DDX39A: variants seen among roughly 807,000 people sequenced by gnomAD.
DDX39A encodes DExD-box helicase 39A.
A neutral mutation model predicts 46.3 loss-of-function variants in DDX39A; 13 were observed. The ratio of observed to expected loss-of-function variants is 0.28; its 90% CI spans 0.18 to 0.45. The LOEUF is 0.45. Among genes scored for constraint, DDX39A ranks in the 20% least tolerant of loss-of-function variants. The pLI is 1.00. For missense variants in DDX39A, 352 were observed against 581.8 expected (o/e 0.61, Z 4.06); for synonymous variants, 234 against 224.6 (o/e 1.04, Z -0.38).
chr19:14,409,701 C>G lies in DDX39A; in HGVS notation c.864+41G>C. On this transcript the variant is annotated intron_variant, in intron 7 of 10. Transcript: ENST00000242776. This position sits in a 1 kb window ranked among gnomAD's most constrained non-coding sequence, Gnocchi z 8.3. ...CAGTCCCTGTGGCCCAGTGACCTCCCGAAGGTCCTGAGCCCCAGGACAGGC... is the reference window on the plus strand; with the variant it reads ...CAGTCCCTGTGGCCCAGTGACCTCCGGAAGGTCCTGAGCCCCAGGACAGGC... The G allele has an allele frequency of 6.2e-7, 1 of 1,612,148 alleles. No individual in the cohort carries two copies. Among genetic ancestry groups the G allele is most frequent in the Non-Finnish European group, 8.5e-7 (1 of 1,178,516 alleles).
In DDX39A at chr19:14,410,148, G is replaced by T. The variant is rs373772693; in HGVS notation, c.732+68C>A. On this transcript the variant is annotated intron_variant, in intron 6 of 10. Transcript: ENST00000242776. The surrounding 1 kb of genome is among the most constrained non-coding windows in gnomAD (Gnocchi z 4.3). Reference sequence around the variant, plus strand: ...ATCCTCCGTGCCATGTGGGCCGTGCGGGTGTCCTGGGGCCCCAGGCTCCAG... The same window carrying T: ...ATCCTCCGTGCCATGTGGGCCGTGCTGGTGTCCTGGGGCCCCAGGCTCCAG... 6 of 1,375,348 alleles carry T rather than the reference G, an allele frequency of 4.4e-6. No individual in the cohort carries two copies. Among genetic ancestry groups the T allele is most frequent in the East Asian group, 2.3e-5 (1 of 43,690 alleles). 85.2% of individuals were successfully genotyped at this position (1,375,348 alleles called of 1,614,324 possible).
chr19:14,415,184 T>C (rs372813616), intron 1 of DDX39A, among the ~76,000 whole-genome samples: 2 of 152,142 alleles, frequency 1.3e-5, no homozygotes, highest in East Asian at 3.8e-4. Flanking sequence ...TTCTATGGAT[T>C]TGCCTGTTGT....
chr19:14,412,928 CTG>C lies in DDX39A; in HGVS notation c.208+83_208+84del. 6.8e-7 allele frequency: 1 copy of C among 1,472,722 alleles called. No homozygotes were observed. Among genetic ancestry groups the C allele is most frequent in the Non-Finnish European group, 9.2e-7 (1 of 1,083,362 alleles). 91.2% of individuals were successfully genotyped at this position (1,472,722 alleles called of 1,614,324 possible). On this transcript the variant is annotated intron_variant, in intron 2 of 10. Coordinates refer to ENST00000242776, the MANE Select transcript of DDX39A (RefSeq NM_005804.4). This position sits in a 1 kb window ranked among gnomAD's most constrained non-coding sequence, Gnocchi z 4.4. ...GGGCCCCTCCCTCACCCACGGCAAA[CTG>C]GAGGCGGCACCGCTCTGGGCGGGCA... is the stretch of plus-strand genomic sequence containing the variant.
chr19:14,417,253 G>A (rs1346494125), intron 1 of DDX39A, among the ~76,000 whole-genome samples: 1 of 152,094 alleles, frequency 6.6e-6, no homozygotes, highest in East Asian at 1.9e-4. Context: ...TCTATTCTGG[G>A]CTCCAAATCT....
At position 14,409,735 on chromosome 19, in the gene DDX39A, G is replaced by T. The variant is rs763954815; in HGVS notation, c.864+7C>A. On this transcript the variant is annotated splice_region_variant and intron_variant, in intron 7 of 10. Coordinates refer to ENST00000242776, the MANE Select transcript of DDX39A (RefSeq NM_005804.4). This position sits in a 1 kb window ranked among gnomAD's most constrained non-coding sequence, Gnocchi z 8.3. ...TGAGCCCCAGGACAGGCTGATGGAA[G>T]TATCACCTGGTTAAACTCCAGCACA... The T allele has an allele frequency of 3.1e-6, 5 of 1,614,188 alleles. No individual in the cohort carries two copies. In the South Asian group the frequency reaches 5.5e-5, roughly 18 times the overall value.
rs762321943 is a variant in DDX39A, at chr19:14,410,379, T to C, written c.614-45A>G. 3 of 1,548,122 alleles carry C rather than the reference T, an allele frequency of 1.9e-6. No homozygotes were observed. Among genetic ancestry groups the C allele is most frequent in the Admixed American group, 3.3e-5 (2 of 59,926 alleles). Reference sequence around the variant, plus strand: ...CATGGGTGGGCATGAGCGTCTGCCATGCAGGACCCCCACCCCAGACCAGAC... The same window carrying C: ...CATGGGTGGGCATGAGCGTCTGCCACGCAGGACCCCCACCCCAGACCAGAC... On this transcript the variant is annotated intron_variant, in intron 5 of 10. Coordinates refer to ENST00000242776, the MANE Select transcript of DDX39A (RefSeq NM_005804.4). This position sits in a 1 kb window ranked among gnomAD's most constrained non-coding sequence, Gnocchi z 4.3.
intron 1 of DDX39A, among the ~76,000 whole-genome samples, chr19:14,414,825 C>G (rs1976739480): frequency 6.7e-6 from 1 of 150,166 alleles, no homozygotes; most frequent in Admixed American, 6.6e-5. Flanking sequence ...TTTAGCCAGG[C>G]ATGGTGGCAG....
chr19:14,409,668 G>C lies in DDX39A; in HGVS notation c.865-23C>G. ...CACCTGAGGGAAGGAGTGGCAGTCA[G>C]GGCCACACAGTCCCTGTGGCCCAGT... is the stretch of plus-strand genomic sequence containing the variant. On this transcript the variant is annotated intron_variant, in intron 7 of 10. Coordinates refer to ENST00000242776, the MANE Select transcript of DDX39A (RefSeq NM_005804.4). This position sits in a 1 kb window ranked among gnomAD's most constrained non-coding sequence, Gnocchi z 8.3. The C allele has an allele frequency of 1.2e-6, 2 of 1,610,078 alleles. No homozygotes were observed. Among genetic ancestry groups the C allele is most frequent in the Non-Finnish European group, 8.5e-7 (1 of 1,177,178 alleles).
At position 14,408,810 on chromosome 19, in the gene DDX39A, G is replaced by C; in HGVS notation, c.*126C>G. 1 of 1,377,038 alleles carries C rather than the reference G, an allele frequency of 7.3e-7. No individual in the cohort carries two copies. Among genetic ancestry groups the C allele is most frequent in the Non-Finnish European group, 9.7e-7 (1 of 1,035,460 alleles). 85.3% of individuals were successfully genotyped at this position (1,377,038 alleles called of 1,614,324 possible). A position where few individuals can be genotyped will look rare whatever the true frequency, so the allele number is the denominator to read the frequency against. ...GATGACCAAGAAATAGATGGGGTGG[G>C]AGCCAGGCTTCCATAATAACAAGTT... On this transcript the variant is annotated 3_prime_UTR_variant, in exon 11 of 11. Coordinates refer to ENST00000242776, the MANE Select transcript of DDX39A (RefSeq NM_005804.4).
In DDX39A at chr19:14,412,353, G is replaced by C; in HGVS notation, c.336+198C>G. The C allele has an allele frequency of 1.8e-6, 1 of 561,234 alleles. No homozygotes were observed. Among genetic ancestry groups the C allele is most frequent in the Non-Finnish European group, 3.0e-6 (1 of 338,160 alleles). 34.8% of individuals were successfully genotyped at this position (561,234 alleles called of 1,614,324 possible). On this transcript the variant is annotated intron_variant, in intron 3 of 10. Coordinates refer to ENST00000242776, the MANE Select transcript of DDX39A (RefSeq NM_005804.4). This position sits in a 1 kb window ranked among gnomAD's most constrained non-coding sequence, Gnocchi z 4.4. ...TTATAACTAATTATTTTTTGAGATG[G>C]AGTCTACCTCTGCCACCCAGGCTGG...
Position 14,411,404 on chromosome 19 carries a change from T to C in DDX39A, c.429+102A>G. Reference sequence around the variant, plus strand: ...AACCACCGCAAACCTCAAAGGCAGCTGCCCCTGCCAAGCTTGGTAAATGCT... The same window carrying C: ...AACCACCGCAAACCTCAAAGGCAGCCGCCCCTGCCAAGCTTGGTAAATGCT... On this transcript the variant is annotated intron_variant, in intron 4 of 10. Coordinates refer to ENST00000242776, the MANE Select transcript of DDX39A (RefSeq NM_005804.4). This position sits in a 1 kb window ranked among gnomAD's most constrained non-coding sequence, Gnocchi z 4.1. 1.6e-6 allele frequency: 2 copies of C among 1,218,376 alleles called. No individual in the cohort carries two copies. Among genetic ancestry groups the C allele is most frequent in the Non-Finnish European group, 2.4e-6 (2 of 833,442 alleles). The allele number at this position is 1,218,376 out of a possible 1,614,324, so 75.5% of individuals were successfully genotyped here.
Position 14,411,323 on chromosome 19 carries a change from G to T in DDX39A, c.430-151C>A. On this transcript the variant is annotated intron_variant, in intron 4 of 10. Coordinates refer to ENST00000242776, the MANE Select transcript of DDX39A (RefSeq NM_005804.4). This position sits in a 1 kb window ranked among gnomAD's most constrained non-coding sequence, Gnocchi z 4.1. ...CCACTCAAAGGCAGCCCCAGGCTGGGACCTGCGCAGGCCCCTGGGAGCCAT... is the reference window on the plus strand; with the variant it reads ...CCACTCAAAGGCAGCCCCAGGCTGGTACCTGCGCAGGCCCCTGGGAGCCAT... The T allele has an allele frequency of 9.5e-7, 1 of 1,055,326 alleles. No individual in the cohort carries two copies. Among genetic ancestry groups the T allele is most frequent in the Non-Finnish European group, 1.4e-6 (1 of 733,170 alleles). 65.4% of individuals were successfully genotyped at this position (1,055,326 alleles called of 1,614,324 possible).
chr19:14,416,322 CA>C (rs1976808172), intron 1 of DDX39A: 1 of 152,300 alleles, frequency 6.6e-6, no homozygotes, highest in Admixed American at 6.6e-5. Flanking sequence ...ACAAATCCCC[CA>C]CTTCTTTTGG....
chr19:14,414,325 T>TTTTA (rs1395863016), intron 1 of DDX39A, among the ~76,000 whole-genome samples: 4 of 133,518 alleles, frequency 3.0e-5, no homozygotes, highest in African/African-American at 8.5e-5. Context: ...TATCACCTGT[T>TTTTA]TTATTATTAT....
At position 14,412,380 on chromosome 19, in the gene DDX39A, G is replaced by T; in HGVS notation, c.336+171C>A. 1.4e-6 allele frequency: 1 copy of T among 737,684 alleles called. No individual in the cohort carries two copies. Among genetic ancestry groups the T allele is most frequent in the Admixed American group, 3.2e-5 (1 of 31,706 alleles). The allele number at this position is 737,684 out of a possible 1,614,324, so 45.7% of individuals were successfully genotyped here. A position where few individuals can be genotyped will look rare whatever the true frequency, so the allele number is the denominator to read the frequency against. On this transcript the variant is annotated intron_variant, in intron 3 of 10. Transcript: ENST00000242776. This position sits in a 1 kb window ranked among gnomAD's most constrained non-coding sequence, Gnocchi z 4.4. ...GTCTACCTCTGCCACCCAGGCTGGA[G>T]TGCAGTGGTGTGATCATAGCACACT... is the stretch of plus-strand genomic sequence containing the variant.
rs1286325102 is a variant in DDX39A at position 14,413,063 on chromosome 19, G to A, written c.158C>T (p.Pro53Leu). The A allele has an allele frequency of 3.1e-6, 5 of 1,614,180 alleles. No homozygotes were observed. ...GTCCACGATGGCCCGCAGGAGCTCC[G>A]GCTTCAGCAGAAAGTCCCGGAAGCC... ...SSGFRDFLLK[P>L]ELLRAIVDCG... Residue 53 changes from proline (P) to leucine (L), a missense_variant, in exon 2 of 11, where the codon CCG becomes CTG. By Grantham distance (98) the Pro-to-Leu change is moderately conservative (BLOSUM62 -3). This residue lies in a region of DDX39A where 46 missense variants were observed against 78.2 expected (regional missense o/e 0.59). Coordinates refer to ENST00000242776, the MANE Select transcript of DDX39A (RefSeq NM_005804.4).
chr19:14,409,815 T>A lies in DDX39A; in HGVS notation c.791A>T (p.Tyr264Phe). 1.9e-6 allele frequency: 3 copies of A among 1,614,186 alleles called. No individual in the cohort carries two copies. The highest frequency in any genetic ancestry group is 2.5e-6 in the Non-Finnish European group (3 of 1,180,032). ...TKLTLHGLQQ[Y>F]YVKLKDSEKN... ...CTCACTGTCTTTGAGTTTGACGTAG[T>A]ACTGCTGCAGGCCGTGCAGCGTGAG... Residue 264 changes from tyrosine to phenylalanine, a missense_variant, in exon 7 of 11, where the codon TAC becomes TTC. Tyr to Phe is a conservative substitution (Grantham distance 22). This residue lies in a region of DDX39A where 301 missense variants were observed against 469.9 expected (regional missense o/e 0.64). Coordinates refer to ENST00000242776, the MANE Select transcript of DDX39A (RefSeq NM_005804.4). The surrounding 1 kb of genome is among the most constrained non-coding windows in gnomAD (Gnocchi z 8.3).
In DDX39A at chr19:14,409,488, G is replaced by A. The variant is rs945851723; in HGVS notation, c.975-41C>T. On this transcript the variant is annotated intron_variant, in intron 8 of 10. Coordinates refer to ENST00000242776, the MANE Select transcript of DDX39A (RefSeq NM_005804.4). This position sits in a 1 kb window ranked among gnomAD's most constrained non-coding sequence, Gnocchi z 8.3. Reference sequence around the variant, plus strand: ...AACAAGTGGAGGCCGTCAGACACTGGGCTCCTGGTGGTGCTCCCTGCAGCC... The same window carrying A: ...AACAAGTGGAGGCCGTCAGACACTGAGCTCCTGGTGGTGCTCCCTGCAGCC... The A allele has an allele frequency of 1.2e-6, 2 of 1,611,852 alleles. No homozygotes were observed. The highest frequency in any genetic ancestry group is 3.3e-5 in the Admixed American group (2 of 60,018).
chr19:14,412,348 A>G lies in DDX39A; in HGVS notation c.336+203T>C. The G allele has an allele frequency of 1.8e-6, 1 of 541,972 alleles. No individual in the cohort carries two copies. Among genetic ancestry groups the G allele is most frequent in the East Asian group, 3.2e-5 (1 of 30,870 alleles). 33.6% of individuals were successfully genotyped at this position (541,972 alleles called of 1,614,324 possible). On this transcript the variant is annotated intron_variant, in intron 3 of 10. Transcript: ENST00000242776. This position sits in a 1 kb window ranked among gnomAD's most constrained non-coding sequence, Gnocchi z 4.4. Reference sequence around the variant, plus strand: ...TTTTGTTATAACTAATTATTTTTTGAGATGGAGTCTACCTCTGCCACCCAG... The same window carrying G: ...TTTTGTTATAACTAATTATTTTTTGGGATGGAGTCTACCTCTGCCACCCAG...
Sources: gnomAD v4.1 joint callset for allele counts (sites outside exome capture counted in the v4.1 genomes callset) on GRCh38, gnomAD v4.1.1 for gene constraint, gnomAD v4.1.1 regional missense constraint, Gnocchi (gnomAD v3.1) non-coding constraint, MANE v1.5 for transcripts, NCBI Gene and HGNC (gene_info 2026-07-23, HGNC 2026-07-21) for gene names.